The following RIMKLB variants were observed in gnomAD, a reference collection of about 807,000 sequenced individuals.
RIMKLB encodes ribosomal modification protein rimK like family member B.
A neutral mutation model predicts 32.0 loss-of-function variants in RIMKLB; 7 were observed. The ratio of observed to expected loss-of-function variants is 0.22; its 90% CI spans 0.12 to 0.41. RIMKLB has a LOEUF of 0.41. RIMKLB is among the 10% of genes least tolerant of loss of function. The probability of loss-of-function intolerance (pLI) is 1.00; values close to 1 mark genes in which losing one functional copy is unlikely to be tolerated. For missense variants in RIMKLB, 289 were observed against 498.7 expected (o/e 0.58, Z 4.00); for synonymous variants, 172 against 185.1 (o/e 0.93, Z 0.57).
Position 8,754,014 on chromosome 12 carries a change from C to T in RIMKLB, c.618C>T (p.Val206=). The T allele has an allele frequency of 6.2e-7, 1 of 1,613,984 alleles. No homozygotes were observed. Among genetic ancestry groups the T allele is most frequent in the Non-Finnish European group, 8.5e-7 (1 of 1,179,878 alleles). Residue 206 remains valine, a synonymous_variant, in exon 5 of 6, where the codon GTC becomes GTT. Transcript: ENST00000535829. ...AGTCTCATGGACGGGATGTACGTGT[C>T]ATTGTCGTGGGAGGCCGTGTGGTTG... ...VKESHGRDVR[V]IVVGGRVVGT... is the part of the protein sequence containing the mutation.
At chr12:8,700,223 A>G (rs571910706) in intron 1 of RIMKLB, 1 of 152,234 alleles carries the variant, frequency 6.6e-6, no homozygotes, top group Non-Finnish European at 1.5e-5. Context: ...ACTAAAGTGG[A>G]CATTATTTGA....
chr12:8,749,298 C>T (rs902978920), intron 2 of RIMKLB, among the ~76,000 whole-genome samples: 1 of 151,942 alleles, frequency 6.6e-6, no homozygotes, highest in African/African-American at 2.4e-5. Flanking sequence ...GCAACCTCCA[C>T]CTGCCTGGTT....
chr12:8,760,775 C>A (rs1949454740), intron 5 of RIMKLB, among the ~76,000 whole-genome samples: 1 of 152,126 alleles, frequency 6.6e-6, no homozygotes, highest in East Asian at 1.9e-4. Flanking sequence ...ATCCTTCGCC[C>A]ACTTGTTGAT....
chr12:8,773,801 C>A lies in RIMKLB; in HGVS notation c.*17C>A. ...GTGGACTGACTCCACTGGTAATTAA[C>A]CAACAAAACCCTTGTAAAACTTTCT... is the stretch of plus-strand genomic sequence containing the variant. On this transcript the variant is annotated 3_prime_UTR_variant, in exon 6 of 6. Coordinates refer to ENST00000535829, the MANE Select transcript of RIMKLB (RefSeq NM_001297776.2). The A allele has an allele frequency of 6.3e-7, 1 of 1,579,564 alleles. No individual in the cohort carries two copies. The highest frequency in any genetic ancestry group is 8.6e-7 in the Non-Finnish European group (1 of 1,161,782).
intron 2 of RIMKLB, among the ~76,000 whole-genome samples, chr12:8,720,586 A>G (rs1255624501): frequency 6.6e-6 from 1 of 152,196 alleles, no homozygotes; most frequent in African/African-American, 2.4e-5. Context: ...CTTGTCGCCC[A>G]GGCCGGAGTG....
chr12:8,668,774 T>C, the RIMKLB span: 2 of 152,164 alleles, frequency 1.3e-5, no homozygotes, highest in Non-Finnish European at 2.9e-5. Context: ...GGCCCTGAGA[T>C]GATGACAGCA....
Position 8,753,823 on chromosome 12 carries a change from C to T in RIMKLB, c.494-67C>T, listed in dbSNP as rs1453235298. The T allele has an allele frequency of 2.4e-6, 3 of 1,240,326 alleles. No individual in the cohort carries two copies. In the African/African-American group the frequency reaches 4.5e-5, roughly 18 times the overall value. 76.8% of individuals were successfully genotyped at this position (1,240,326 alleles called of 1,614,324 possible). A position where few individuals can be genotyped will look rare whatever the true frequency, so the allele number is the denominator to read the frequency against. On this transcript the variant is annotated intron_variant, in intron 4 of 5. Coordinates refer to ENST00000535829, the MANE Select transcript of RIMKLB (RefSeq NM_001297776.2). ...TAGCAGATTGTGATACAAGAAGATT[C>T]AGATAATAGGTATCATCTGCCCACA...
Position 8,776,392 on chromosome 12 carries a change from A to C in RIMKLB, c.*2608A>C. 1.0e-6 allele frequency: 1 copy of C among 980,810 alleles called. No homozygotes were observed. Among genetic ancestry groups the C allele is most frequent in the Non-Finnish European group, 1.2e-6 (1 of 825,730 alleles). 60.8% of individuals were successfully genotyped at this position (980,810 alleles called of 1,614,324 possible). A position where few individuals can be genotyped will look rare whatever the true frequency, so the allele number is the denominator to read the frequency against. Reference sequence around the variant, plus strand: ...AAATCATTCTGGAAGTACCTTAAGGAAACAAACAGCAGCAGATATTTAGGT... The same window carrying C: ...AAATCATTCTGGAAGTACCTTAAGGCAACAAACAGCAGCAGATATTTAGGT... On this transcript the variant is annotated 3_prime_UTR_variant, in exon 6 of 6. Transcript: ENST00000535829.
Position 8,773,626 on chromosome 12 carries a change from C to A in RIMKLB, c.1003C>A (p.Pro335Thr), listed in dbSNP as rs780682229. Residue 335 changes from proline (P) to threonine (T), a missense_variant, in exon 6 of 6, where the codon CCC becomes ACC. Pro to Thr is a conservative substitution (Grantham distance 38). Transcript: ENST00000535829. ...ASETSEPELG[P>T]PASTAVDNMS... ...TGAGACTAGTGAGCCGGAGCTGGGTCCCCCAGCCAGCACTGCTGTTGACAA... is the reference window on the plus strand; with the variant it reads ...TGAGACTAGTGAGCCGGAGCTGGGTACCCCAGCCAGCACTGCTGTTGACAA... 1 of 1,614,226 alleles carries A rather than the reference C, an allele frequency of 6.2e-7. No individual in the cohort carries two copies. The highest frequency in any genetic ancestry group is 1.3e-5 in the African/African-American group (1 of 75,062).
At chr12:8,677,932 A>ATT, upstream of RIMKLB, among the ~76,000 whole-genome samples, 1 of 148,342 alleles carries the variant, frequency 6.7e-6, no homozygotes, top group South Asian at 2.1e-4. Flanking sequence ...TATTTTTATT[A>ATT]TATTTATTTA....
chr12:8,697,030 C>T (rs888719359), upstream of RIMKLB: 10 of 151,778 alleles, frequency 6.6e-5, no homozygotes, highest in African/African-American at 2.4e-4. Context: ...CTCCTTTGGG[C>T]TATACTTTTA....
intron 1 of RIMKLB, 169 bp from the exon 2 acceptor site, chr12:8,713,642 T>C: frequency 2.0e-6 from 1 of 508,230 alleles, no homozygotes; most frequent in South Asian, 2.1e-5. Context: ...AGTTTCCATA[T>C]TACTAGTGTA....
intron 2 of RIMKLB, among the ~76,000 whole-genome samples, chr12:8,718,247 TTGTC>T (rs1348829938): frequency 6.6e-6 from 1 of 152,240 alleles, no homozygotes; most frequent in African/African-American, 2.4e-5. Context: ...GTGTCTTAAT[TTGTC>T]TGTCTTTGAT....
intron 7 of RIMKLB, among the ~76,000 whole-genome samples, chr12:8,782,482 T>A (rs1951148831): frequency 6.6e-6 from 1 of 152,104 alleles, no homozygotes; most frequent in South Asian, 2.1e-4. Flanking sequence ...AGGAAGCACA[T>A]TTTGGCTGTT....
rs946188070 is a variant in RIMKLB, at chr12:8,762,161, G to A, written c.697+8068G>A. Among the ~76,000 whole-genome samples the A allele has an allele frequency of 3.3e-5, 5 of 152,134 alleles. No individual in the cohort carries two copies. In the East Asian group the frequency reaches 7.7e-4, roughly 23 times the overall value. ...AGCTGCATTCTCCATAGAAGCTCTTGGTAAAGGGAGCTACTGGTAGTACAG... is the reference window on the plus strand; with the variant it reads ...AGCTGCATTCTCCATAGAAGCTCTTAGTAAAGGGAGCTACTGGTAGTACAG... On this transcript the variant is annotated intron_variant, in intron 5 of 5. Coordinates refer to ENST00000535829, the MANE Select transcript of RIMKLB (RefSeq NM_001297776.2).
chr12:8,742,650 A>G lies in RIMKLB; in HGVS notation c.176-7212A>G, dbSNP rs1947667612. 5 of 247,686 alleles carry G rather than the reference A, an allele frequency of 2.0e-5. No homozygotes were observed. In the South Asian group the frequency reaches 2.5e-4, roughly 12 times the overall value. The allele number at this position is 247,686 out of a possible 1,614,324, so 15.3% of individuals were successfully genotyped here. A position where few individuals can be genotyped will look rare whatever the true frequency, so the allele number is the denominator to read the frequency against. On this transcript the variant is annotated intron_variant, in intron 2 of 5. Coordinates refer to ENST00000535829, the MANE Select transcript of RIMKLB (RefSeq NM_001297776.2). ...GTTGTTGCCATTGAAAACTGTATTG[A>G]TGTCAGTGATATATCCTCTAGGAAT... is the stretch of plus-strand genomic sequence containing the variant.
chr12:8,769,428 A>G (rs1036602310), intron 5 of RIMKLB, among the ~76,000 whole-genome samples: 6 of 152,178 alleles, frequency 3.9e-5, no homozygotes, highest in South Asian at 2.1e-4. Context: ...TATAAGCAGT[A>G]TATAGCTAAG....
rs76197369 is a variant in RIMKLB, at chr12:8,758,328, C to G, written c.697+4235C>G. On this transcript the variant is annotated intron_variant, in intron 5 of 5. Coordinates refer to ENST00000535829, the MANE Select transcript of RIMKLB (RefSeq NM_001297776.2). ...TCGAGGTGAAGTCTTGCTATGTTAC[C>G]CAGGCTAGTCTTGAACTCTTAGCCT... is the stretch of plus-strand genomic sequence containing the variant. Among the ~76,000 whole-genome samples the G allele has an allele frequency of 9.4e-4, 142 of 151,436 alleles. 2 individuals carry two copies. In the East Asian group the frequency reaches 0.017, roughly 18 times the overall value.
chr12:8,701,265 A>G (rs1234440286), intron 1 of RIMKLB, among the ~76,000 whole-genome samples: 1 of 152,108 alleles, frequency 6.6e-6, no homozygotes, highest in African/African-American at 2.4e-5. Flanking sequence ...CATATGAGGG[A>G]TTGTTAAATA....
Sources: gnomAD v4.1 joint callset for allele counts (sites outside exome capture counted in the v4.1 genomes callset) on GRCh38, gnomAD v4.1.1 for gene constraint, MANE v1.5 for transcripts, NCBI Gene and HGNC (gene_info 2026-07-23, HGNC 2026-07-21) for gene names.